The following ACER3 variants were observed in gnomAD, a reference collection of about 807,000 sequenced individuals.
The protein encoded by ACER3 is alkaline ceramidase 3, also known as alkCDase 3.
In ACER3, 16 loss-of-function variants were observed where a neutral mutation model predicts 48.9. That is an observed-to-expected ratio of 0.33 (90% confidence interval 0.22 to 0.50). The LOEUF (loss-of-function observed/expected upper bound fraction) is 0.50. Ranked by LOEUF, ACER3 falls within the 20% of genes least tolerant of loss-of-function variation. ACER3 has a pLI of 0.98. For missense variants in ACER3, 227 were observed against 326.0 expected (o/e 0.70, Z 2.34); for synonymous variants, 109 against 107.8 (o/e 1.01, Z -0.07).
intron 7 of ACER3, among the ~76,000 whole-genome samples, chr11:77,005,513 G>A (rs781914420): frequency 1.3e-5 from 2 of 152,016 alleles, no homozygotes; most frequent in African/African-American, 2.4e-5. Context: ...AAAATTTATT[G>A]TATCACAGTT....
chr11:76,865,493 C>A (rs1027737519), intron 1 of ACER3, among the ~76,000 whole-genome samples: 4 of 151,198 alleles, frequency 2.6e-5, no homozygotes, highest in African/African-American at 4.9e-5. Context: ...TTCTCTTTCT[C>A]TGAATTCCTC....
At chr11:76,934,295 G>A (rs1263897716) in intron 2 of ACER3, among the ~76,000 whole-genome samples, 2 of 152,222 alleles carry the variant, frequency 1.3e-5, no homozygotes, top group African/African-American at 4.8e-5. Flanking sequence ...TGGCGGCCGG[G>A]CAGAGGCTGC....
chr11:76,961,682 A>G (rs900035602), intron 3 of ACER3, among the ~76,000 whole-genome samples: 1 of 151,264 alleles, frequency 6.6e-6, no homozygotes, highest in Non-Finnish European at 1.5e-5. Flanking sequence ...CTGGCCAAAT[A>G]TGGGGCAATT....
At chr11:76,927,208 T>C (rs1946852914) in intron 2 of ACER3, among the ~76,000 whole-genome samples, 1 of 152,202 alleles carries the variant, frequency 6.6e-6, no homozygotes, top group African/African-American at 2.4e-5. Context: ...ATCCAACCTT[T>C]TGTGACTTAC....
At chr11:76,944,304 GT>G (rs577263343) in intron 2 of ACER3, among the ~76,000 whole-genome samples, 34 of 151,914 alleles carry the variant, frequency 2.2e-4, no homozygotes, top group Non-Finnish European at 4.7e-4. Context: ...AGACTTATGA[GT>G]TTTATATTTT....
At chr11:76,941,631 A>G (rs1272733818) in intron 2 of ACER3, among the ~76,000 whole-genome samples, 1 of 152,052 alleles carries the variant, frequency 6.6e-6, no homozygotes, top group Non-Finnish European at 1.5e-5. Context: ...TGCTTTGGCT[A>G]TTCTGCCTCT....
chr11:77,016,705 A>C lies in ACER3; in HGVS notation c.630A>C (p.Ile210=). The C allele has an allele frequency of 1.3e-6, 2 of 1,598,436 alleles. No homozygotes were observed. The highest frequency in any genetic ancestry group is 1.7e-6 in the Non-Finnish European group (2 of 1,171,218). ...TTCGAAAGAAGGTACCACCTATCATAGGTATTACCACACAATTTCATGCAT... is the reference window on the plus strand; with the variant it reads ...TTCGAAAGAAGGTACCACCTATCATCGGTATTACCACACAATTTCATGCAT... ...RNFRKKVPPI[I]GITTQFHAWW... is the part of the protein sequence containing the mutation. Residue 210 remains isoleucine, a synonymous_variant, in exon 9 of 11, where the codon ATA becomes ATC. Transcript: ENST00000532485.
At position 76,950,729 on chromosome 11, in the gene ACER3, GT is replaced by G. The variant is rs200022628; in HGVS notation, c.215-8248del. 7.4e-3 allele frequency among the ~76,000 whole-genome samples: 1,126 copies of G among 152,026 alleles called. 10 individuals carry two copies. Among genetic ancestry groups the G allele is most frequent in the Middle Eastern group, 0.017 (5 of 294 alleles). On this transcript the variant is annotated intron_variant, in intron 2 of 10. Transcript: ENST00000532485. ...GCAATCCCCGTCTTGGCCTCCCAAA[GT>G]TGTAGGATTACAGGCATGAGCCACC...
Position 77,021,991 on chromosome 11 carries a change from T to C in ACER3, c.*1664T>C, listed in dbSNP as rs1369344819. Reference sequence around the variant, plus strand: ...CTTAAGAGGGTATAAAACTAAACCATTTGAAGGCACAGCCCATAAGACTAT... The same window carrying C: ...CTTAAGAGGGTATAAAACTAAACCACTTGAAGGCACAGCCCATAAGACTAT... On this transcript the variant is annotated 3_prime_UTR_variant, in exon 11 of 11. Coordinates refer to ENST00000532485, the MANE Select transcript of ACER3 (RefSeq NM_018367.7). 6.6e-6 allele frequency: 1 copy of C among 152,168 alleles called. No individual in the cohort carries two copies. Among genetic ancestry groups the C allele is most frequent in the African/African-American group, 2.4e-5 (1 of 41,442 alleles). 9.4% of individuals were successfully genotyped at this position (152,168 alleles called of 1,614,324 possible).
intron 4 of ACER3, among the ~76,000 whole-genome samples, chr11:76,981,855 C>G (rs1465172721): frequency 6.6e-6 from 1 of 152,086 alleles, no homozygotes; most frequent in Non-Finnish European, 1.5e-5. Flanking sequence ...GTTAACAAGT[C>G]TTTGTATGGA....
At chr11:76,962,862 T>G (rs1053003367) in intron 3 of ACER3, among the ~76,000 whole-genome samples, 2 of 151,382 alleles carry the variant, frequency 1.3e-5, no homozygotes, top group African/African-American at 4.9e-5. Context: ...TTATCAGAAC[T>G]GTGGTGCCAC....
chr11:76,887,399 CAA>C (rs1182233145), intron 1 of ACER3, among the ~76,000 whole-genome samples: 11 of 152,086 alleles, frequency 7.2e-5, no homozygotes, highest in Non-Finnish European at 1.5e-4. Flanking sequence ...AAGGAGAACT[CAA>C]AGAGAGACTG....
intron 1 of ACER3, among the ~76,000 whole-genome samples, chr11:76,904,387 T>A (rs117019801): frequency 0.016 from 2,452 of 152,282 alleles, 97 homozygotes; most frequent in Admixed American, 0.081. Flanking sequence ...TCAGAAAATC[T>A]TTAAATTCAC....
chr11:76,962,126 G>A (rs887264689), intron 3 of ACER3, among the ~76,000 whole-genome samples: 2 of 149,904 alleles, frequency 1.3e-5, no homozygotes, highest in Admixed American at 6.6e-5. Flanking sequence ...CTTGGCTCAC[G>A]GCAACCTCTG....
intron 3 of ACER3, among the ~76,000 whole-genome samples, chr11:76,972,136 T>G (rs1948322417): frequency 6.6e-6 from 1 of 152,236 alleles, no homozygotes; most frequent in Non-Finnish European, 1.5e-5. Flanking sequence ...AGACCTATAC[T>G]TAGGAGTGGA....
intron 6 of ACER3, 148 bp from the exon 7 acceptor site, chr11:76,998,615 A>T (rs1948963681): frequency 3.4e-6 from 2 of 581,982 alleles, no homozygotes; most frequent in Non-Finnish European, 5.9e-6. Context: ...TAGTGATTTA[A>T]CACATTTTTT....
intron 4 of ACER3, among the ~76,000 whole-genome samples, chr11:76,980,505 T>C: frequency 6.6e-6 from 1 of 152,010 alleles, no homozygotes; most frequent in East Asian, 1.9e-4. Context: ...AGTGAGACCC[T>C]GTCACTACAA....
chr11:76,861,531 C>T (rs1490504207), intron 1 of ACER3, among the ~76,000 whole-genome samples: 2 of 152,122 alleles, frequency 1.3e-5, no homozygotes, highest in Non-Finnish European at 2.9e-5. Flanking sequence ...TCCCCCAATC[C>T]GTGAGAATTC....
chr11:76,969,821 G>A (rs1411667237), intron 3 of ACER3, among the ~76,000 whole-genome samples: 1 of 149,588 alleles, frequency 6.7e-6, no homozygotes, highest in African/African-American at 2.5e-5. Context: ...GGGAGGGATA[G>A]CATTAGGAGA....
Sources: gnomAD v4.1 joint callset for allele counts (sites outside exome capture counted in the v4.1 genomes callset) on GRCh38, gnomAD v4.1.1 for gene constraint, MANE v1.5 for transcripts, NCBI Gene and HGNC (gene_info 2026-07-23, HGNC 2026-07-21) for gene names.